The following KIAA0825 variants were observed in gnomAD, a reference collection of about 807,000 sequenced individuals.
KIAA0825 encodes the protein uncharacterized protein KIAA0825.
A neutral mutation model predicts 147.6 loss-of-function variants in KIAA0825; 119 were observed. The ratio of observed to expected loss-of-function variants is 0.81; its 90% CI spans 0.69 to 0.94. The LOEUF is 0.94. Among genes scored for constraint, KIAA0825 ranks in the 40% least tolerant of loss-of-function variants. The pLI is 0.00. For missense variants in KIAA0825, 1,381 were observed against 1,472.7 expected, an observed-to-expected ratio of 0.94 and a Z score of 1.02; for synonymous variants, 470 against 518.1, an observed-to-expected ratio of 0.91 and a Z score of 1.26.
At chr5:94,214,173 T>C (rs1403618956) in intron 20 of KIAA0825, among the ~76,000 whole-genome samples, 1 of 152,092 alleles carries the variant, frequency 6.6e-6, no homozygotes, top group Non-Finnish European at 1.5e-5. Flanking sequence ...ATTTTTTAAT[T>C]AGTACATGGG....
At chr5:94,176,886 G>T (rs1418073644) in intron 20 of KIAA0825, among the ~76,000 whole-genome samples, 1 of 152,000 alleles carries the variant, frequency 6.6e-6, no homozygotes, top group African/African-American at 2.4e-5. Flanking sequence ...CAAAACTTCA[G>T]TATACCTCCA....
At chr5:94,251,204 T>G (rs1373909197) in intron 20 of KIAA0825, among the ~76,000 whole-genome samples, 1 of 152,008 alleles carries the variant, frequency 6.6e-6, no homozygotes, top group Non-Finnish European at 1.5e-5. Context: ...CACAAAGGAG[T>G]TCAGCAAACA....
At chr5:94,567,347 A>C (rs759121029) in intron 2 of KIAA0825, 10 of 152,320 alleles carry the variant, frequency 6.6e-5, no homozygotes, top group Middle Eastern at 3.4e-3. Flanking sequence ...TGCGGCCAAA[A>C]TTTAGAGGTC....
In KIAA0825 at chr5:94,204,710, C is replaced by A. The variant is rs374620301; in HGVS notation, c.3711-50586G>T. On this transcript the variant is annotated intron_variant, in intron 20 of 20. Transcript: ENST00000682413. ...AAAAGACAGCATCAAAAATATACCT[C>A]ATTTTTCTGGGTATTTAAAACTATT... 3.9e-5 allele frequency among the ~76,000 whole-genome samples: 6 copies of A among 152,246 alleles called. 1 individual carries two copies. Among genetic ancestry groups the A allele is most frequent in the East Asian group, 1.9e-4 (1 of 5,184 alleles).
At chr5:94,329,176 T>C (rs1781012230) in intron 20 of KIAA0825, among the ~76,000 whole-genome samples, 1 of 151,926 alleles carries the variant, frequency 6.6e-6, no homozygotes, top group Admixed American at 6.6e-5. Context: ...AGCACAGACA[T>C]AGAAGGTTTT....
At chr5:94,351,457 AACACATCC>A (rs1783658567) in intron 20 of KIAA0825, among the ~76,000 whole-genome samples, 1 of 152,212 alleles carries the variant, frequency 6.6e-6, no homozygotes, top group East Asian at 1.9e-4. Flanking sequence ...AACAAATGGA[AACACATCC>A]CATGCTCATA....
chr5:94,207,702 C>T (rs941945513), intron 20 of KIAA0825, among the ~76,000 whole-genome samples: 1 of 152,084 alleles, frequency 6.6e-6, no homozygotes, highest in Admixed American at 6.6e-5. Context: ...ATTGAGCAGA[C>T]CATACTACTT....
chr5:94,275,750 A>T (rs1485766004), intron 20 of KIAA0825, among the ~76,000 whole-genome samples: 1 of 152,116 alleles, frequency 6.6e-6, no homozygotes, highest in Admixed American at 6.6e-5. Context: ...TTGCTCCCTC[A>T]GGTAGTCCTT....
chr5:94,371,545 G>A (rs1746708637), intron 20 of KIAA0825, among the ~76,000 whole-genome samples: 3 of 152,214 alleles, frequency 2.0e-5, no homozygotes, highest in Middle Eastern at 3.4e-3. Flanking sequence ...AATGAGAGCC[G>A]AGCGAGGGGG....
intron 5 of KIAA0825, among the ~76,000 whole-genome samples, chr5:94,502,128 A>C (rs1439692137): frequency 6.6e-6 from 1 of 152,148 alleles, no homozygotes; most frequent in Non-Finnish European, 1.5e-5. Context: ...TGGTAGGGTT[A>C]AGGGTAGGTA....
intron 5 of KIAA0825, among the ~76,000 whole-genome samples, chr5:94,490,142 CA>C (rs1763562653): frequency 6.6e-6 from 1 of 152,020 alleles, no homozygotes; most frequent in East Asian, 1.9e-4. Context: ...ACAGTCAACA[CA>C]AGTGTAAAAT....
intron 3 of KIAA0825, among the ~76,000 whole-genome samples, chr5:94,531,446 G>T (rs1770784815): frequency 6.6e-6 from 1 of 152,204 alleles, no homozygotes; most frequent in Non-Finnish European, 1.5e-5. Context: ...CATGCTGAGA[G>T]CTTCAGTGGG....
intron 20 of KIAA0825, among the ~76,000 whole-genome samples, chr5:94,224,176 C>G (rs1376839493): frequency 7.0e-6 from 1 of 142,300 alleles, no homozygotes; most frequent in Non-Finnish European, 1.5e-5. Flanking sequence ...TCACTACAAC[C>G]TCCACCTCTG....
In KIAA0825 at chr5:94,465,015, G is replaced by A; in HGVS notation, c.1917C>T (p.Cys639=). 3.9e-6 allele frequency: 6 copies of A among 1,551,644 alleles called. No homozygotes were observed. The South Asian group carries it at 4.8e-5, about 12-fold the overall frequency. ...TCCAGAGATCGTAATGAAGAGACCA[G>A]CAGAAATAATGCCACATCTGGATCG... ...SFSIQMWHYF[C]WSLHYDLWTI... The change falls in exon 11 of 21, where the codon TGC becomes TGT. Residue 639 remains cysteine (C), a synonymous_variant. Transcript: ENST00000682413.
intron 20 of KIAA0825, among the ~76,000 whole-genome samples, chr5:94,180,898 A>T (rs1366064211): frequency 6.6e-6 from 1 of 152,074 alleles, no homozygotes; most frequent in African/African-American, 2.4e-5. Context: ...ATATTTGGCC[A>T]ACCATTATTT....
chr5:94,246,934 A>G (rs539331999), intron 20 of KIAA0825, among the ~76,000 whole-genome samples: 1 of 152,308 alleles, frequency 6.6e-6, no homozygotes, highest in South Asian at 2.1e-4. Context: ...AAAGATATAC[A>G]GTTTGGAAGG....
intron 20 of KIAA0825, among the ~76,000 whole-genome samples, chr5:94,326,200 T>C (rs1479167758): frequency 2.0e-5 from 3 of 152,144 alleles, no homozygotes; most frequent in Non-Finnish European, 4.4e-5. Flanking sequence ...TCTGTCTCAA[T>C]AAAAAATCAA....
intron 12 of KIAA0825, among the ~76,000 whole-genome samples, chr5:94,453,460 T>C (rs1403963767): frequency 1.3e-5 from 2 of 151,916 alleles, no homozygotes; most frequent in Non-Finnish European, 2.9e-5. Context: ...GTGCTGGGAT[T>C]ACAGGCGTGA....
At chr5:94,438,028 A>G (rs73145004) in intron 14 of KIAA0825, among the ~76,000 whole-genome samples, 3,986 of 152,272 alleles carry the variant, frequency 0.026, 188 homozygotes, top group African/African-American at 0.09. Context: ...GGTAAGTTAA[A>G]TGCATGTGTA....
Sources: allele counts gnomAD v4.1 joint callset (sites outside exome capture counted in the v4.1 genomes callset), GRCh38; gene constraint gnomAD v4.1.1; transcripts MANE v1.5; gene names NCBI Gene and HGNC (gene_info 2026-07-23, HGNC 2026-07-21).